Variants in KCND2 observed in about 807,000 individuals in gnomAD.
KCND2 encodes potassium voltage-gated channel subfamily D member 2.
Under a neutral mutation model 54.4 loss-of-function variants are expected in KCND2, and 16 were observed. That is an observed-to-expected ratio of 0.29 (90% CI 0.20 to 0.45). KCND2 has a LOEUF of 0.45. KCND2 is among the 20% of genes least tolerant of loss of function. The pLI, the probability that KCND2 is intolerant of heterozygous loss-of-function variation, is 1.00. For missense variants in KCND2, 486 were observed against 824.2 expected (o/e 0.59, Z 5.02); for synonymous variants, 317 against 310.7 (o/e 1.02, Z -0.21).
intron 1 of KCND2, among the ~76,000 whole-genome samples, chr7:120,448,391 G>A (rs1014630867): frequency 2.6e-5 from 4 of 152,104 alleles, no homozygotes; most frequent in Admixed American, 2.6e-4. Context: ...AGTATCCCAT[G>A]GTGTATATGT....
chr7:120,278,462 G>C (rs2116250145), intron 1 of KCND2, among the ~76,000 whole-genome samples: 1 of 151,280 alleles, frequency 6.6e-6, no homozygotes, highest in Admixed American at 6.6e-5. Context: ...TTCAATTAGT[G>C]ATAATAGAAG....
intron 1 of KCND2, among the ~76,000 whole-genome samples, chr7:120,378,840 A>G (rs1379031206): frequency 6.6e-6 from 1 of 152,036 alleles, no homozygotes; most frequent in African/African-American, 2.4e-5. Flanking sequence ...GAACTATTCT[A>G]AGGCCTGAGA....
chr7:120,524,476 G>A (rs1791746518), intron 1 of KCND2, among the ~76,000 whole-genome samples: 1 of 152,074 alleles, frequency 6.6e-6, no homozygotes, highest in Non-Finnish European at 1.5e-5. Context: ...TCTTCAGACA[G>A]TATTAATATG....
At chr7:120,661,786 G>T (rs1425024589) in intron 1 of KCND2, among the ~76,000 whole-genome samples, 3 of 152,168 alleles carry the variant, frequency 2.0e-5, no homozygotes, top group African/African-American at 7.2e-5. Flanking sequence ...TCTGTGAGTG[G>T]CCTTTCAGTT....
At chr7:120,583,444 T>G (rs895605118) in intron 1 of KCND2, among the ~76,000 whole-genome samples, 4 of 152,168 alleles carry the variant, frequency 2.6e-5, no homozygotes, top group African/African-American at 9.7e-5. Context: ...TTGTTAGAGC[T>G]GACATGAGAA....
intron 1 of KCND2, among the ~76,000 whole-genome samples, chr7:120,685,105 A>G (rs1488442214): frequency 6.6e-6 from 1 of 152,194 alleles, no homozygotes; most frequent in African/African-American, 2.4e-5. Flanking sequence ...TCTTCCACGA[A>G]ATTGGTCCTT....
intron 1 of KCND2, among the ~76,000 whole-genome samples, chr7:120,512,868 C>A (rs1803140867): frequency 6.7e-6 from 1 of 149,204 alleles, no homozygotes; most frequent in African/African-American, 2.5e-5. Context: ...TATCTCAGCT[C>A]ACTGCAACCT....
At chr7:120,426,088 A>G (rs1318063708) in intron 1 of KCND2, among the ~76,000 whole-genome samples, 1 of 152,132 alleles carries the variant, frequency 6.6e-6, no homozygotes, top group Non-Finnish European at 1.5e-5. Context: ...TGAATAAGAA[A>G]ATATCTTCTA....
chr7:120,506,054 A>G (rs954935800), intron 1 of KCND2, among the ~76,000 whole-genome samples: 1 of 151,720 alleles, frequency 6.6e-6, no homozygotes, highest in African/African-American at 2.4e-5. Context: ...TTAATTTTAA[A>G]CCATTTAAGG....
intron 1 of KCND2, among the ~76,000 whole-genome samples, chr7:120,339,294 A>G (rs1563014719): frequency 1.3e-5 from 2 of 152,174 alleles, no homozygotes; most frequent in Non-Finnish European, 1.5e-5. Flanking sequence ...CCATTACTGC[A>G]GTATTCAAGC....
chr7:120,678,902 G>A (rs1281730773), intron 1 of KCND2, among the ~76,000 whole-genome samples: 1 of 151,056 alleles, frequency 6.6e-6, no homozygotes, highest in Non-Finnish European at 1.5e-5. Flanking sequence ...ACCCAATTGT[G>A]CTTGACTTTA....
intron 1 of KCND2, among the ~76,000 whole-genome samples, chr7:120,386,520 AC>A (rs1800990020): frequency 6.6e-6 from 1 of 152,184 alleles, no homozygotes; most frequent in Non-Finnish European, 1.5e-5. Flanking sequence ...AAATACAATT[AC>A]AAATATTCTT....
chr7:120,639,903 AT>A lies in KCND2; in HGVS notation c.1116-92990del, dbSNP rs376486696. ...ACGAATATCCCATTGTACATTTTCTATTTTTTTTTTACCTAATAAACTTAAT... is the reference window on the plus strand; with the variant it reads ...ACGAATATCCCATTGTACATTTTCTATTTTTTTTTACCTAATAAACTTAAT... On this transcript the variant is annotated intron_variant, in intron 1 of 5. Coordinates refer to ENST00000331113, the MANE Select transcript of KCND2 (RefSeq NM_012281.3). Among the ~76,000 whole-genome samples, 473 of 148,958 alleles carry A rather than the reference AT, an allele frequency of 3.2e-3. 3 individuals are homozygous for A. The East Asian group carries it at 0.035, about 11-fold the overall frequency.
In KCND2 at chr7:120,595,497, ATG is replaced by A. The variant is rs71170206; in HGVS notation, c.1116-137394_1116-137393del. 2.5e-4 allele frequency among the ~76,000 whole-genome samples: 34 copies of A among 134,374 alleles called. 1 individual carries two copies. Among genetic ancestry groups the A allele is most frequent in the Admixed American group, 1.9e-3 (26 of 13,688 alleles). 88.2% of individuals were successfully genotyped at this position (134,374 alleles called of 152,430 possible). A position where few individuals can be genotyped will look rare whatever the true frequency, so the allele number is the denominator to read the frequency against. On this transcript the variant is annotated intron_variant, in intron 1 of 5. Coordinates refer to ENST00000331113, the MANE Select transcript of KCND2 (RefSeq NM_012281.3). Reference sequence around the variant, plus strand: ...TATATATATGTGTATATATATATATATGTGTGTGTGTGTATATATATGTATAT... The same window carrying A: ...TATATATATGTGTATATATATATATATGTGTGTGTGTATATATATGTATAT...
chr7:120,397,345 T>C (rs986909235), intron 1 of KCND2, among the ~76,000 whole-genome samples: 6 of 152,012 alleles, frequency 3.9e-5, no homozygotes, highest in African/African-American at 9.7e-5. Context: ...TCTCCACTTA[T>C]CTGGTCGGTA....
At chr7:120,444,201 T>A (rs1801986860) in intron 1 of KCND2, among the ~76,000 whole-genome samples, 1 of 152,088 alleles carries the variant, frequency 6.6e-6, no homozygotes, top group Non-Finnish European at 1.5e-5. Flanking sequence ...AATTTCCACT[T>A]AAAATTGTGC....
At chr7:120,384,300 A>T (rs1484010092) in intron 1 of KCND2, among the ~76,000 whole-genome samples, 2 of 152,126 alleles carry the variant, frequency 1.3e-5, no homozygotes, top group Non-Finnish European at 2.9e-5. Context: ...CTAAGAAGTT[A>T]TACACATAAC....
chr7:120,673,271 T>C (rs1792017035), intron 1 of KCND2, among the ~76,000 whole-genome samples: 1 of 152,110 alleles, frequency 6.6e-6, no homozygotes, highest in Non-Finnish European at 1.5e-5. Context: ...TAACATGAGA[T>C]CCTTCTCTTG....
chr7:120,729,151 C>A (rs1792773692), intron 1 of KCND2, among the ~76,000 whole-genome samples: 1 of 152,110 alleles, frequency 6.6e-6, no homozygotes, highest in South Asian at 2.1e-4. Flanking sequence ...GCTGGTTTTG[C>A]CAGTGAGATA....
Sources: allele counts gnomAD v4.1 joint callset (sites outside exome capture counted in the v4.1 genomes callset), GRCh38; gene constraint gnomAD v4.1.1; transcripts MANE v1.5; gene names NCBI Gene and HGNC (gene_info 2026-07-23, HGNC 2026-07-21).